VWA8: variants seen among roughly 807,000 people sequenced by gnomAD.
The protein encoded by VWA8 is von Willebrand factor A domain containing 8, also known as von Willebrand factor A domain-containing protein 8.
A neutral mutation model predicts 241.5 loss-of-function variants in VWA8; 221 were observed. That is an observed-to-expected ratio of 0.91 (90% CI 0.82 to 1.02). The LOEUF (loss-of-function observed/expected upper bound fraction) is 1.02, where lower values mean the gene tolerates loss of function less well. Ranked by LOEUF, VWA8 falls within the 50% of genes least tolerant of loss-of-function variation. VWA8 has a pLI of 0.00. For synonymous variants in VWA8, 852 were observed against 827.1 expected (o/e 1.03, Z -0.52); for missense variants, 2,322 against 2,328.7 (o/e 1.00, Z 0.06).
At chr13:41,593,717 TACCAA>T (rs1486100710) in intron 40 of VWA8, among the ~76,000 whole-genome samples, 3 of 152,160 alleles carry the variant, frequency 2.0e-5, no homozygotes, top group Admixed American at 1.3e-4. Context: ...CTCTTGGAGG[TACCAA>T]GCTGCAGAGC....
chr13:41,572,930 GAAC>G lies in VWA8; in HGVS notation c.5371-2227_5371-2225del, dbSNP rs1288516271. ...CGAGACCGGCCTGGCCGGCATGGTG[GAAC>G]CCTGTCTCTACTAAAAATACAAAAA... is the stretch of plus-strand genomic sequence containing the variant. On this transcript the variant is annotated intron_variant, in intron 43 of 44. Coordinates refer to ENST00000379310, the MANE Select transcript of VWA8 (RefSeq NM_015058.2). Among the ~76,000 whole-genome samples, 1,065 of 150,210 alleles carry G rather than the reference GAAC, an allele frequency of 7.1e-3. 16 individuals carry two copies. The highest frequency in any genetic ancestry group is 0.025 in the African/African-American group (1,006 of 40,562).
chr13:41,915,041 T>C (rs373809357), intron 2 of VWA8, among the ~76,000 whole-genome samples: 1 of 152,220 alleles, frequency 6.6e-6, no homozygotes, highest in Non-Finnish European at 1.5e-5. Context: ...CCCTCATAAA[T>C]TGTCTGTATA....
chr13:41,888,707 T>TTAA, intron 5 of VWA8, among the ~76,000 whole-genome samples: 1 of 152,230 alleles, frequency 6.6e-6, no homozygotes, highest in African/African-American at 2.4e-5. Context: ...ATTTGTGCAT[T>TTAA]TGCTTCTATA....
intron 35 of VWA8, among the ~76,000 whole-genome samples, chr13:41,679,678 T>C (rs560084859): frequency 3.3e-5 from 5 of 152,290 alleles, no homozygotes; most frequent in African/African-American, 1.2e-4. Flanking sequence ...GTCTTTACAG[T>C]TGATTTCTTT....
intron 1 of VWA8, among the ~76,000 whole-genome samples, chr13:41,952,229 A>ATC (rs1198258633): frequency 6.6e-6 from 1 of 152,156 alleles, no homozygotes; most frequent in Non-Finnish European, 1.5e-5. Flanking sequence ...CCTCCAGATG[A>ATC]TCTCTAATGC....
At chr13:41,954,185 C>CTT (rs765781173) in intron 1 of VWA8, among the ~76,000 whole-genome samples, 3 of 145,164 alleles carry the variant, frequency 2.1e-5, no homozygotes, top group South Asian at 2.2e-4. Context: ...TCTATACAAC[C>CTT]TTTTTTTTTT....
Position 41,729,684 on chromosome 13 carries a change from C to T in VWA8, c.2503-7G>A, listed in dbSNP as rs200678976. The stretch of plus-strand genomic sequence containing the variant: ...CCAACTTTACTGCTTTAACCTTTGA[C>T]GACAGAAAATTTATCATAAACAATT... On this transcript the variant is annotated splice_region_variant and splice_polypyrimidine_tract_variant and intron_variant, in intron 22 of 44. Transcript: ENST00000379310. 1.7e-5 allele frequency: 28 copies of T among 1,600,342 alleles called. No homozygotes were observed. Among genetic ancestry groups the T allele is most frequent in the South Asian group, 8.0e-5 (7 of 87,858 alleles).
chr13:41,783,238 T>C (rs1868972862), intron 19 of VWA8, among the ~76,000 whole-genome samples: 1 of 148,530 alleles, frequency 6.7e-6, no homozygotes, highest in Admixed American at 6.8e-5. Flanking sequence ...TATGTACTTA[T>C]ATATATACTT....
chr13:41,950,412 G>A (rs1878075864), intron 1 of VWA8, among the ~76,000 whole-genome samples: 1 of 150,954 alleles, frequency 6.6e-6, no homozygotes, highest in South Asian at 2.1e-4. Flanking sequence ...TCTGTCACCT[G>A]GGCTGGAGTG....
intron 2 of VWA8, among the ~76,000 whole-genome samples, chr13:41,923,516 C>T (rs1377307480): frequency 6.6e-6 from 1 of 152,122 alleles, no homozygotes; most frequent in Non-Finnish European, 1.5e-5. Flanking sequence ...AGTGAACCAA[C>T]ACCTCAAGTC....
intron 39 of VWA8, among the ~76,000 whole-genome samples, chr13:41,607,248 A>T (rs929416786): frequency 1.3e-5 from 2 of 152,186 alleles, no homozygotes; most frequent in Non-Finnish European, 2.9e-5. Flanking sequence ...TGGCACTTTG[A>T]AAACAGTGAC....
intron 35 of VWA8, among the ~76,000 whole-genome samples, 160 bp downstream of exon 35, chr13:41,684,887 C>T (rs558524724): frequency 4.6e-5 from 7 of 152,242 alleles, no homozygotes; most frequent in African/African-American, 1.7e-4. Context: ...TGAGTAAGAA[C>T]TTTCTGAATA....
At chr13:41,635,529 G>A (rs1425857140) in intron 37 of VWA8, among the ~76,000 whole-genome samples, 1 of 152,202 alleles carries the variant, frequency 6.6e-6, no homozygotes, top group Non-Finnish European at 1.5e-5. Flanking sequence ...ACACCTGCCT[G>A]TAGTTTATTT....
At chr13:41,769,528 A>T (rs2045803900) in intron 20 of VWA8, among the ~76,000 whole-genome samples, 1 of 152,242 alleles carries the variant, frequency 6.6e-6, no homozygotes, top group African/African-American at 2.4e-5. Context: ...AACATTTTAA[A>T]TGTCCTTTAC....
intron 4 of VWA8, among the ~76,000 whole-genome samples, chr13:41,898,745 G>A (rs1253148984): frequency 9.2e-5 from 14 of 152,184 alleles, no homozygotes; most frequent in South Asian, 2.1e-4. Context: ...GCTAAGGCCC[G>A]GCGAGAAATC....
At chr13:41,781,300 T>TTGAAAA (rs1268027613) in intron 19 of VWA8, among the ~76,000 whole-genome samples, 1 of 152,142 alleles carries the variant, frequency 6.6e-6, no homozygotes, top group Non-Finnish European at 1.5e-5. Context: ...AATTTATATA[T>TTGAAAA]AGCTCCCTAA....
chr13:41,908,160 A>C (rs1477644586), intron 3 of VWA8, among the ~76,000 whole-genome samples: 3 of 152,164 alleles, frequency 2.0e-5, no homozygotes, highest in Admixed American at 6.5e-5. Context: ...CAAATGTGAA[A>C]ACAAGGTAAA....
intron 10 of VWA8, among the ~76,000 whole-genome samples, chr13:41,867,164 T>A (rs1873349909): frequency 6.6e-6 from 1 of 152,228 alleles, no homozygotes; most frequent in African/African-American, 2.4e-5. Flanking sequence ...TCATACCTCA[T>A]GCTTCTGAAC....
At chr13:41,937,331 T>G (rs754707384) in intron 2 of VWA8, among the ~76,000 whole-genome samples, 7 of 152,160 alleles carry the variant, frequency 4.6e-5, no homozygotes, top group Non-Finnish European at 8.8e-5. Flanking sequence ...GTAGAATCAG[T>G]GGGAGCTCTG....
Sources: gnomAD v4.1 joint callset for allele counts (sites outside exome capture counted in the v4.1 genomes callset) on GRCh38, gnomAD v4.1.1 for gene constraint, MANE v1.5 for transcripts, NCBI Gene and HGNC (gene_info 2026-07-23, HGNC 2026-07-21) for gene names.